SUGCT: variants seen among roughly 807,000 people sequenced by gnomAD.
SUGCT encodes succinyl-CoA:glutarate CoA-transferase.
Under a neutral mutation model 55.0 loss-of-function variants are expected in SUGCT, and 41 were observed. The observed-to-expected ratio is 0.74, with a 90% CI of 0.58 to 0.97. SUGCT has a LOEUF of 0.97. Ranked by LOEUF, SUGCT falls within the 50% of genes least tolerant of loss-of-function variation. The probability of loss-of-function intolerance (pLI) is 0.00; values close to 1 mark genes in which losing one functional copy is unlikely to be tolerated. For synonymous variants in SUGCT, 187 were observed against 200.4 expected (o/e 0.93, Z 0.56); for missense variants, 568 against 547.8 (o/e 1.04, Z -0.37).
chr7:40,414,038 T>C (rs1786836072), intron 9 of SUGCT, among the ~76,000 whole-genome samples: 1 of 152,168 alleles, frequency 6.6e-6, no homozygotes, highest in Non-Finnish European at 1.5e-5. Context: ...TTCTCTGTTA[T>C]TTGCTATTAC....
chr7:40,491,315 G>T (rs1390571857), intron 11 of SUGCT, among the ~76,000 whole-genome samples: 1 of 152,196 alleles, frequency 6.6e-6, no homozygotes, highest in Non-Finnish European at 1.5e-5. Flanking sequence ...GGCCAGGACT[G>T]TGATAGTTAC....
intron 1 of SUGCT, among the ~76,000 whole-genome samples, chr7:40,172,070 C>T (rs1784703697): frequency 1.3e-5 from 2 of 152,058 alleles, no homozygotes; most frequent in Non-Finnish European, 2.9e-5. Context: ...AGCTTGTTGC[C>T]CCCATTTGCC....
At chr7:40,400,466 C>A (rs535578591) in intron 9 of SUGCT, among the ~76,000 whole-genome samples, 2 of 152,200 alleles carry the variant, frequency 1.3e-5, no homozygotes, top group African/African-American at 4.8e-5. Context: ...TGATTTCTTT[C>A]CCTTGGGGTA....
At chr7:40,332,443 A>ATTTTTTTTT (rs57902207) in intron 9 of SUGCT, among the ~76,000 whole-genome samples, 1 of 139,352 alleles carries the variant, frequency 7.2e-6, no homozygotes, top group African/African-American at 2.6e-5. Context: ...TCTGCATTGG[A>ATTTTTTTTT]TTTTTTTTTT....
chr7:40,343,080 T>A (rs972188275), intron 9 of SUGCT, among the ~76,000 whole-genome samples: 11 of 152,032 alleles, frequency 7.2e-5, no homozygotes, highest in African/African-American at 2.2e-4. Context: ...TGCATGACTT[T>A]AAAAAAAATA....
intron 13 of SUGCT, among the ~76,000 whole-genome samples, chr7:40,826,644 A>G (rs1050261051): frequency 6.6e-6 from 1 of 152,204 alleles, no homozygotes; most frequent in African/African-American, 2.4e-5. Flanking sequence ...CCTGACAAAG[A>G]GTGACCATTT....
chr7:40,183,544 C>T (rs1016680072), intron 3 of SUGCT, among the ~76,000 whole-genome samples: 10 of 152,062 alleles, frequency 6.6e-5, no homozygotes, highest in Admixed American at 2.0e-4. Flanking sequence ...GAGACAGGGT[C>T]TTGCTATGTT....
intron 8 of SUGCT, among the ~76,000 whole-genome samples, chr7:40,310,313 G>A (rs919512009): frequency 6.6e-6 from 1 of 152,156 alleles, no homozygotes; most frequent in African/African-American, 2.4e-5. Flanking sequence ...TACCTGATCA[G>A]TTTCCTCAAA....
the SUGCT span, among the ~76,000 whole-genome samples, chr7:40,955,857 A>G: frequency 3.9e-5 from 6 of 152,160 alleles, no homozygotes; most frequent in African/African-American, 1.4e-4. Context: ...GAATTTTATC[A>G]AAGGCTTTTT....
At chr7:40,543,084 C>T (rs1794789983) in intron 12 of SUGCT, among the ~76,000 whole-genome samples, 2 of 152,154 alleles carry the variant, frequency 1.3e-5, no homozygotes, top group South Asian at 4.1e-4. Context: ...CCAAAATGTC[C>T]ATGTGAACTA....
chr7:40,458,680 T>C (rs180774209), intron 10 of SUGCT, among the ~76,000 whole-genome samples: 1 of 152,334 alleles, frequency 6.6e-6, no homozygotes, highest in African/African-American at 2.4e-5. Flanking sequence ...ATGTTGACTG[T>C]ATACAAGATA....
intron 12 of SUGCT, among the ~76,000 whole-genome samples, chr7:40,512,286 A>G (rs1792972027): frequency 6.6e-6 from 1 of 152,198 alleles, no homozygotes; most frequent in African/African-American, 2.4e-5. Context: ...TCTCAAATAC[A>G]TTGTGCCTCA....
chr7:41,022,059 T>A, the SUGCT span, among the ~76,000 whole-genome samples: 1 of 151,866 alleles, frequency 6.6e-6, no homozygotes, highest in Non-Finnish European at 1.5e-5. Context: ...GGCAGAGAAT[T>A]TTTTGGAATT....
chr7:40,363,478 C>T lies in SUGCT; in HGVS notation c.816+46623C>T, dbSNP rs573206636. 2.0e-5 allele frequency among the ~76,000 whole-genome samples: 3 copies of T among 152,248 alleles called. No individual in the cohort carries two copies. The South Asian group carries it at 6.2e-4, about 32-fold the overall frequency. On this transcript the variant is annotated intron_variant, in intron 9 of 13. Transcript: ENST00000335693. ...ACTATAAATTTCCCTCTACACACTG[C>T]TTTGAATGTGTCCCAAAGATTCTGG...
At chr7:40,439,074 A>ATGTG (rs746023700) in intron 9 of SUGCT, among the ~76,000 whole-genome samples, 14,406 of 82,438 alleles carry the variant, frequency 0.17, 2,514 homozygotes, top group Non-Finnish European at 0.22. Flanking sequence ...GTATATATAT[A>ATGTG]TATATATATA....
At chr7:40,773,569 A>G (rs979191242) in intron 13 of SUGCT, among the ~76,000 whole-genome samples, 34 of 152,350 alleles carry the variant, frequency 2.2e-4, no homozygotes, top group Middle Eastern at 3.4e-3. Context: ...AAATCAATGT[A>G]CATTTGCTTC....
the SUGCT span, among the ~76,000 whole-genome samples, chr7:40,968,465 A>G: frequency 3.9e-5 from 6 of 152,166 alleles, no homozygotes; most frequent in Non-Finnish European, 1.5e-5. Context: ...GCCTCCCTAT[A>G]TATAATTCAG....
chr7:40,197,882 T>G (rs1210044497), intron 6 of SUGCT, among the ~76,000 whole-genome samples: 1 of 152,232 alleles, frequency 6.6e-6, no homozygotes, highest in Non-Finnish European at 1.5e-5. Flanking sequence ...TTCCTAATGA[T>G]TCACATTTAT....
At chr7:40,342,632 A>G (rs1797111832) in intron 9 of SUGCT, among the ~76,000 whole-genome samples, 1 of 126,374 alleles carries the variant, frequency 7.9e-6, no homozygotes, top group Non-Finnish European at 1.6e-5. Context: ...ACTCTGTCAA[A>G]TTTCTAAACG....
Sources: gnomAD v4.1 joint callset for allele counts (sites outside exome capture counted in the v4.1 genomes callset) on GRCh38, gnomAD v4.1.1 for gene constraint, MANE v1.5 for transcripts, NCBI Gene and HGNC (gene_info 2026-07-23, HGNC 2026-07-21) for gene names.